ACTR10: variants seen among roughly 807,000 people sequenced by gnomAD.
ACTR10 encodes actin related protein 10, also known as actin-related protein 10.
In ACTR10, 43 loss-of-function variants were observed where a neutral mutation model predicts 56.2. That is an observed-to-expected ratio of 0.77 (90% CI 0.60 to 0.99). The LOEUF (loss-of-function observed/expected upper bound fraction) is 0.99. ACTR10 is among the 50% of genes least tolerant of loss of function. The pLI is 0.00. For synonymous variants in ACTR10, 170 were observed against 176.3 expected (o/e 0.96, Z 0.28); for missense variants, 466 against 507.8 (o/e 0.92, Z 0.79).
intron 12 of ACTR10, among the ~76,000 whole-genome samples, 171 bp from the exon 13 acceptor site, chr14:58,234,199 C>T (rs756297842): frequency 6.6e-6 from 1 of 152,106 alleles, no homozygotes; most frequent in Non-Finnish European, 1.5e-5. Context: ...CCCTGTTATT[C>T]AAAATGTAAA....
intron 7 of ACTR10, 34 bp downstream of exon 7, chr14:58,215,318 A>G: frequency 7.2e-7 from 1 of 1,379,456 alleles, no homozygotes; most frequent in Non-Finnish European, 1.0e-6. Flanking sequence ...GGAGTGGTTT[A>G]CACTCTCTTT....
chr14:58,212,730 C>A (rs1889033780), intron 5 of ACTR10, among the ~76,000 whole-genome samples: 1 of 152,144 alleles, frequency 6.6e-6, no homozygotes, highest in Admixed American at 6.5e-5. Context: ...AGCTGATGCT[C>A]TTACCAGTAT....
Position 58,215,293 on chromosome 14 carries a change from A to G in ACTR10, c.598+9A>G, listed in dbSNP as rs375996468. On this transcript the variant is annotated intron_variant, in intron 7 of 12. Transcript: ENST00000254286. The stretch of plus-strand genomic sequence containing the variant: ...CCTTCCCTCAGTGATGGGTAAATTC[A>G]TTTTAAGTGGTTTAGGAGTGGTTTA... 6.3e-6 allele frequency: 10 copies of G among 1,590,412 alleles called. No homozygotes were observed. In the African/African-American group the frequency reaches 1.2e-4, roughly 19 times the overall value.
chr14:58,232,511 G>A (rs753338806), intron 12 of ACTR10, among the ~76,000 whole-genome samples: 4 of 144,316 alleles, frequency 2.8e-5, no homozygotes, highest in Non-Finnish European at 6.0e-5. Flanking sequence ...CGCCTCCCGG[G>A]TTCAAGCAAT....
chr14:58,214,936 T>C (rs923301539), intron 6 of ACTR10, among the ~76,000 whole-genome samples: 1 of 151,312 alleles, frequency 6.6e-6, no homozygotes, highest in African/African-American at 2.4e-5. Context: ...CAAAACCCTA[T>C]CTCTACTAAA....
At chr14:58,207,751 C>T (rs17832885) in intron 2 of ACTR10, among the ~76,000 whole-genome samples, 185 bp from the exon 3 acceptor site, 6,227 of 152,290 alleles carry the variant, frequency 0.041, 176 homozygotes, top group Non-Finnish European at 0.06. Context: ...ATTCTGCCAT[C>T]TTAGACATTC....
intron 12 of ACTR10, among the ~76,000 whole-genome samples, chr14:58,232,582 A>AGT: frequency 6.6e-6 from 1 of 150,998 alleles, no homozygotes; most frequent in East Asian, 2.0e-4. Flanking sequence ...CGCCCAGCTA[A>AGT]TTTTTGTATT....
intron 6 of ACTR10, among the ~76,000 whole-genome samples, chr14:58,214,638 G>T (rs774936036): frequency 1.3e-4 from 19 of 151,374 alleles, no homozygotes; most frequent in East Asian, 5.9e-4. Flanking sequence ...CTACAGGCGT[G>T]CGCCGCCACG....
intron 12 of ACTR10, among the ~76,000 whole-genome samples, chr14:58,233,674 C>G (rs1165078286): frequency 6.6e-6 from 1 of 152,096 alleles, no homozygotes; most frequent in African/African-American, 2.4e-5. Context: ...CTGCATTGTT[C>G]AAGGATCAGC....
chr14:58,218,211 G>T (rs927103431), intron 7 of ACTR10, among the ~76,000 whole-genome samples: 1 of 152,126 alleles, frequency 6.6e-6, no homozygotes, highest in African/African-American at 2.4e-5. Flanking sequence ...AATGCTGTAG[G>T]TTTTAGCACT....
intron 5 of ACTR10, among the ~76,000 whole-genome samples, chr14:58,212,492 G>GA (rs2140049140): frequency 6.6e-6 from 1 of 152,190 alleles, no homozygotes; most frequent in Admixed American, 6.5e-5. Flanking sequence ...ATATTTATTA[G>GA]AAAAAATATT....
intron 12 of ACTR10, among the ~76,000 whole-genome samples, chr14:58,233,112 A>G (rs1180508130): frequency 2.6e-5 from 4 of 151,840 alleles, no homozygotes; most frequent in Middle Eastern, 3.4e-3. Context: ...ACCTCAGGTG[A>G]TCCGCCCGCC....
intron 2 of ACTR10, among the ~76,000 whole-genome samples, chr14:58,205,407 C>T (rs1360850283): frequency 1.3e-5 from 2 of 150,272 alleles, no homozygotes; most frequent in East Asian, 2.1e-4. Context: ...CCCCACCTCC[C>T]GGGTTCATGC....
At chr14:58,203,115 A>T (rs1232645100) in intron 2 of ACTR10, among the ~76,000 whole-genome samples, 188 bp downstream of exon 2, 1 of 152,094 alleles carries the variant, frequency 6.6e-6, no homozygotes, top group African/African-American at 2.4e-5. Context: ...CAGCCTGGAC[A>T]ACATGGTGAA....
chr14:58,218,967 C>A (rs1594809811), intron 7 of ACTR10, among the ~76,000 whole-genome samples: 1 of 152,134 alleles, frequency 6.6e-6, no homozygotes, highest in East Asian at 1.9e-4. Flanking sequence ...GGATTACAGG[C>A]ATGCACCACC....
chr14:58,206,142 G>A (rs1888857619), intron 2 of ACTR10, among the ~76,000 whole-genome samples: 1 of 150,978 alleles, frequency 6.6e-6, no homozygotes, highest in Admixed American at 6.6e-5. Flanking sequence ...GACCCTGTAC[G>A]TTTTTGTTGC....
At chr14:58,230,680 A>T (rs1889508831) in intron 11 of ACTR10, among the ~76,000 whole-genome samples, 200 bp downstream of exon 11, 1 of 152,006 alleles carries the variant, frequency 6.6e-6, no homozygotes, top group African/African-American at 2.4e-5. Context: ...TTAAAATTTT[A>T]TAGTTCATGA....
intron 2 of ACTR10, among the ~76,000 whole-genome samples, chr14:58,204,451 C>T (rs138263058): frequency 0.011 from 1,731 of 151,750 alleles, 35 homozygotes; most frequent in African/African-American, 0.04. Flanking sequence ...CTTGGGAGGC[C>T]GAAGTGGGAG....
intron 4 of ACTR10, 47 bp downstream of exon 4, chr14:58,209,154 G>T: frequency 7.6e-7 from 1 of 1,320,402 alleles, no homozygotes; most frequent in Non-Finnish European, 1.1e-6. Context: ...GAAATAAAAA[G>T]AGAAGCAATA....
Sources: gnomAD v4.1 joint callset for allele counts (sites outside exome capture counted in the v4.1 genomes callset) on GRCh38, gnomAD v4.1.1 for gene constraint, MANE v1.5 for transcripts, NCBI Gene and HGNC (gene_info 2026-07-23, HGNC 2026-07-21) for gene names.